The following ROBO1 variants were observed in gnomAD, a reference collection of about 807,000 sequenced individuals.
The protein encoded by ROBO1 is roundabout homolog 1.
In ROBO1, 149 loss-of-function variants were observed where a neutral mutation model predicts 195.9. That is an observed-to-expected ratio of 0.76 (90% CI 0.67 to 0.87). The LOEUF is 0.87. Ranked by LOEUF, ROBO1 falls within the 40% of genes least tolerant of loss-of-function variation. The pLI is 0.00. For synonymous variants in ROBO1, 816 were observed against 733.2 expected (o/e 1.11, Z -1.82); for missense variants, 1,933 against 2,068.3 (o/e 0.93, Z 1.27).
At chr3:79,084,810 G>C (rs534859103) in intron 3 of ROBO1, among the ~76,000 whole-genome samples, 75 of 152,280 alleles carry the variant, frequency 4.9e-4, no homozygotes, top group African/African-American at 1.8e-3. Context: ...CAGCACACAA[G>C]AGGATTCAGT....
At chr3:79,450,312 GAGAC>G (rs2039399918) in intron 2 of ROBO1, among the ~76,000 whole-genome samples, 2 of 131,768 alleles carry the variant, frequency 1.5e-5, no homozygotes, top group South Asian at 2.6e-4. Context: ...CTAAATGGCA[GAGAC>G]AGACAGACAG....
chr3:79,687,198 C>T (rs758014347), intron 1 of ROBO1, among the ~76,000 whole-genome samples: 96 of 152,270 alleles, frequency 6.3e-4, no homozygotes, highest in Admixed American at 2.3e-3. Flanking sequence ...CTTCTTTACA[C>T]CTTATACAAA....
chr3:78,736,125 C>A (rs1379353221), intron 5 of ROBO1, among the ~76,000 whole-genome samples: 1 of 152,082 alleles, frequency 6.6e-6, no homozygotes, highest in Admixed American at 6.6e-5. Context: ...ACTCTCTTCC[C>A]ATTTTGTCGG....
chr3:79,531,321 C>T (rs749703381), intron 2 of ROBO1, among the ~76,000 whole-genome samples: 2 of 151,994 alleles, frequency 1.3e-5, no homozygotes, highest in African/African-American at 2.4e-5. Context: ...ATATTTGGCA[C>T]ATAACATTAC....
At chr3:78,731,298 C>A (rs368115945) in intron 5 of ROBO1, among the ~76,000 whole-genome samples, 1 of 152,018 alleles carries the variant, frequency 6.6e-6, no homozygotes, top group East Asian at 1.9e-4. Context: ...ACTGTTGGAA[C>A]TTTGAGCTGA....
At chr3:78,717,656 C>T (rs2081935430) in intron 6 of ROBO1, 107 bp downstream of exon 6, 19 of 1,237,112 alleles carry the variant, frequency 1.5e-5, no homozygotes, top group Admixed American at 2.7e-5. Flanking sequence ...TTCTACCCAC[C>T]CCCTAAAAAT....
In ROBO1 at chr3:79,201,047, C is replaced by T. The variant is rs752540690; in HGVS notation, c.89-75508G>A. 1.8e-4 allele frequency among the ~76,000 whole-genome samples: 28 copies of T among 151,944 alleles called. No individual in the cohort carries two copies. The East Asian group carries it at 2.3e-3, about 13-fold the overall frequency. On this transcript the variant is annotated intron_variant, in intron 2 of 30. Coordinates refer to ENST00000464233, the MANE Select transcript of ROBO1 (RefSeq NM_002941.4). The stretch of plus-strand genomic sequence containing the variant: ...TTTACATTGAATATATGTCTAATTC[C>T]TACATTGTTAATATGGCCACAGAGG...
At chr3:79,506,484 C>G (rs1171532702) in intron 2 of ROBO1, among the ~76,000 whole-genome samples, 1 of 151,444 alleles carries the variant, frequency 6.6e-6, no homozygotes, top group East Asian at 1.9e-4. Flanking sequence ...GAGATGGAGT[C>G]TCACTCTGTT....
At chr3:78,853,759 A>G (rs2034227751) in intron 4 of ROBO1, among the ~76,000 whole-genome samples, 1 of 152,120 alleles carries the variant, frequency 6.6e-6, no homozygotes, top group Non-Finnish European at 1.5e-5. Context: ...AAGAGGTTTA[A>G]TGGACTCACA....
intron 3 of ROBO1, among the ~76,000 whole-genome samples, chr3:79,094,367 T>C (rs1467021256): frequency 6.6e-6 from 1 of 152,086 alleles, no homozygotes; most frequent in African/African-American, 2.4e-5. Context: ...AAGAACAGTT[T>C]CAGCAGAGTG....
chr3:79,272,868 G>A (rs1342202950), intron 2 of ROBO1, among the ~76,000 whole-genome samples: 1 of 151,982 alleles, frequency 6.6e-6, no homozygotes, highest in African/African-American at 2.4e-5. Context: ...CAAGAGAAAA[G>A]AAACAAGTAA....
At chr3:79,089,108 C>T (rs1208407623) in intron 3 of ROBO1, among the ~76,000 whole-genome samples, 3 of 152,048 alleles carry the variant, frequency 2.0e-5, no homozygotes, top group African/African-American at 7.2e-5. Flanking sequence ...TCCCAGTTAA[C>T]AAAAGAAAAT....
At chr3:79,684,766 C>T (rs1033782528) in intron 1 of ROBO1, among the ~76,000 whole-genome samples, 1 of 152,028 alleles carries the variant, frequency 6.6e-6, no homozygotes, top group East Asian at 1.9e-4. Context: ...ACCTCTGCCT[C>T]CCGGGTTCAA....
At chr3:79,470,673 T>G (rs190746761) in intron 2 of ROBO1, among the ~76,000 whole-genome samples, 81 of 152,168 alleles carry the variant, frequency 5.3e-4, no homozygotes, top group Admixed American at 2.1e-3. Context: ...CTTGTGGTAG[T>G]GAATAAGTCT....
intron 2 of ROBO1, among the ~76,000 whole-genome samples, chr3:79,283,410 A>G (rs1038198692): frequency 2.6e-5 from 4 of 152,202 alleles, no homozygotes; most frequent in Non-Finnish European, 5.9e-5. Context: ...ATTTCCTTCA[A>G]TGGGTCTCAA....
At chr3:79,007,079 A>T (rs1358783332) in intron 3 of ROBO1, among the ~76,000 whole-genome samples, 2 of 152,216 alleles carry the variant, frequency 1.3e-5, no homozygotes, top group Non-Finnish European at 2.9e-5. Context: ...AAACAATAAC[A>T]ACAAAAACAA....
intron 1 of ROBO1, among the ~76,000 whole-genome samples, chr3:79,723,137 C>T (rs996593156): frequency 3.9e-5 from 6 of 152,158 alleles, no homozygotes; most frequent in African/African-American, 1.4e-4. Context: ...AATTGCCCTC[C>T]TCCCTGCCAC....
intron 2 of ROBO1, among the ~76,000 whole-genome samples, chr3:79,394,138 GAAAA>G (rs200406852): frequency 6.8e-6 from 1 of 146,504 alleles, no homozygotes; most frequent in East Asian, 2.0e-4. Context: ...CAGCATAAAA[GAAAA>G]AAAAAGATTT....
At chr3:78,889,121 A>C (rs558504863) in intron 4 of ROBO1, among the ~76,000 whole-genome samples, 2 of 152,336 alleles carry the variant, frequency 1.3e-5, no homozygotes, top group Non-Finnish European at 2.9e-5. Flanking sequence ...ATTAGGACAC[A>C]TTAAGAAGTG....
Sources: allele counts gnomAD v4.1 joint callset (sites outside exome capture counted in the v4.1 genomes callset), GRCh38; gene constraint gnomAD v4.1.1; transcripts MANE v1.5; gene names NCBI Gene and HGNC (gene_info 2026-07-23, HGNC 2026-07-21).